ADAM9: variants seen among roughly 807,000 people sequenced by gnomAD.
ADAM9 encodes disintegrin and metalloproteinase domain-containing protein 9.
A neutral mutation model predicts 108.1 loss-of-function variants in ADAM9; 54 were observed. The ratio of observed to expected loss-of-function variants is 0.50; its 90% CI spans 0.40 to 0.63. The LOEUF is 0.63. Ranked by LOEUF, ADAM9 falls within the 20% of genes least tolerant of loss-of-function variation. The pLI, the probability that ADAM9 is intolerant of heterozygous loss-of-function variation, is 0.00. For synonymous variants in ADAM9, 316 were observed against 336.0 expected, an observed-to-expected ratio of 0.94 and a Z score of 0.65; for missense variants, 830 against 997.7, an observed-to-expected ratio of 0.83 and a Z score of 2.26.
At chr8:39,036,475 T>A (rs1837278637) in intron 11 of ADAM9, among the ~76,000 whole-genome samples, 1 of 150,362 alleles carries the variant, frequency 6.7e-6, no homozygotes, top group South Asian at 2.1e-4. Flanking sequence ...TAGTTGAAAT[T>A]TTTTTTTTTG....
intron 18 of ADAM9, among the ~76,000 whole-genome samples, chr8:39,086,974 A>C (rs1173029756): frequency 6.6e-6 from 1 of 152,154 alleles, no homozygotes; most frequent in Admixed American, 6.5e-5. Context: ...TATTTCCACC[A>C]ATCTTTTCAC....
At chr8:39,033,870 C>T (rs567955066) in intron 11 of ADAM9, among the ~76,000 whole-genome samples, 93 of 152,112 alleles carry the variant, frequency 6.1e-4, no homozygotes, top group Non-Finnish European at 5.9e-4. Flanking sequence ...AGTTTTCGGT[C>T]TTAAATATTT....
In ADAM9 at chr8:39,061,239, C is replaced by A. The variant is rs1344649043; in HGVS notation, c.1591+5467C>A. Among the ~76,000 whole-genome samples, 4 of 152,162 alleles carry A rather than the reference C, an allele frequency of 2.6e-5. No homozygotes were observed. In the East Asian group the frequency reaches 7.7e-4, roughly 29 times the overall value. On this transcript the variant is annotated intron_variant, in intron 14 of 21. Coordinates refer to ENST00000487273, the MANE Select transcript of ADAM9 (RefSeq NM_003816.3). ...GTGGGTTCCACCTGGCCTTTCTTAC[C>A]ATAATAACCATCACTCCACAGGTCA...
intron 14 of ADAM9, among the ~76,000 whole-genome samples, chr8:39,067,910 A>G (rs1224031036): frequency 1.3e-5 from 2 of 152,010 alleles, no homozygotes; most frequent in Non-Finnish European, 2.9e-5. Flanking sequence ...TTATTTTGAG[A>G]TATGTCCCAT....
At chr8:39,058,869 T>C (rs1838208468) in intron 14 of ADAM9, among the ~76,000 whole-genome samples, 1 of 152,198 alleles carries the variant, frequency 6.6e-6, no homozygotes, top group South Asian at 2.1e-4. Context: ...CCTTGATACC[T>C]GGACACGTGA....
At position 39,077,172 on chromosome 8, in the gene ADAM9, C is replaced by A. The variant is rs1360225303; in HGVS notation, c.1698-56C>A. 13 of 1,587,776 alleles carry A rather than the reference C, an allele frequency of 8.2e-6. No individual in the cohort carries two copies. The Admixed American group carries it at 1.0e-4, about 12-fold the overall frequency. On this transcript the variant is annotated intron_variant, in intron 15 of 21. Coordinates refer to ENST00000487273, the MANE Select transcript of ADAM9 (RefSeq NM_003816.3). ...CCATATGCAAATATATAAATTTTTT[C>A]TTTTGTTATGTATACTGGATGCATT...
intron 18 of ADAM9, among the ~76,000 whole-genome samples, chr8:39,086,385 G>A (rs1839182373): frequency 6.6e-6 from 1 of 151,924 alleles, no homozygotes; most frequent in African/African-American, 2.4e-5. Context: ...TACTCTTCAA[G>A]TTTACATTTC....
In ADAM9 at chr8:39,045,168, ATG is replaced by A. The variant is rs1262900782; in HGVS notation, c.1302+3055_1302+3056del. Among the ~76,000 whole-genome samples the A allele has an allele frequency of 7.3e-5, 7 of 96,298 alleles. 1 individual carries two copies. The highest frequency in any genetic ancestry group is 2.9e-4 in the East Asian group (1 of 3,454). The allele number at this position is 96,298 out of a possible 152,430, so 63.2% of individuals were successfully genotyped here. On this transcript the variant is annotated intron_variant, in intron 12 of 21. Transcript: ENST00000487273. ...TGTATATATGTGTATACATACATAT[ATG>A]TGTATATATGTGTATACATACATAT...
chr8:39,041,231 A>T (rs934191541), intron 11 of ADAM9, among the ~76,000 whole-genome samples: 1 of 150,030 alleles, frequency 6.7e-6, no homozygotes, highest in Non-Finnish European at 1.5e-5. Flanking sequence ...AGTAGTAGCT[A>T]AAAAAAAAAT....
chr8:39,090,945 T>C (rs923904931), intron 19 of ADAM9, among the ~76,000 whole-genome samples: 4 of 152,234 alleles, frequency 2.6e-5, no homozygotes, highest in South Asian at 2.1e-4. Context: ...CCTGAGAATA[T>C]GCTTTTACTC....
chr8:39,091,544 G>A (rs947206827), intron 20 of ADAM9, among the ~76,000 whole-genome samples, 198 bp downstream of exon 20: 1 of 152,130 alleles, frequency 6.6e-6, no homozygotes, highest in East Asian at 1.9e-4. Context: ...GTGGAGTACT[G>A]TGGCACAATT....
At chr8:39,025,593 G>T (rs956484542) in intron 9 of ADAM9, among the ~76,000 whole-genome samples, 1 of 151,704 alleles carries the variant, frequency 6.6e-6, no homozygotes, top group South Asian at 2.1e-4. Flanking sequence ...AACTTGTCTC[G>T]GTATCCAGAA....
chr8:39,091,413 A>T (rs1462695606), intron 20 of ADAM9, 67 bp downstream of exon 20: 1 of 1,352,874 alleles, frequency 7.4e-7, no homozygotes, highest in African/African-American at 1.4e-5. Flanking sequence ...AGGATTAAAA[A>T]CACAGTTATA....
At chr8:39,058,703 C>T (rs184767188) in intron 14 of ADAM9, among the ~76,000 whole-genome samples, 1 of 152,212 alleles carries the variant, frequency 6.6e-6, no homozygotes, top group East Asian at 1.9e-4. Flanking sequence ...ATTTCTAGTT[C>T]AGTAGAATCA....
chr8:39,035,362 A>G (rs1005749341), intron 11 of ADAM9, among the ~76,000 whole-genome samples: 5 of 152,160 alleles, frequency 3.3e-5, no homozygotes, highest in African/African-American at 1.2e-4. Flanking sequence ...GTCTCTGATC[A>G]TAGTAAGCAT....
Position 39,027,909 on chromosome 8 carries a change from A to AAAAT in ADAM9, c.1130+1115_1130+1118dup, listed in dbSNP as rs1318741329. Among the ~76,000 whole-genome samples the AAAAT allele has an allele frequency of 7.9e-5, 12 of 152,148 alleles. No homozygotes were observed. In the South Asian group the frequency reaches 8.3e-4, roughly 11 times the overall value. On this transcript the variant is annotated intron_variant, in intron 11 of 21. Coordinates refer to ENST00000487273, the MANE Select transcript of ADAM9 (RefSeq NM_003816.3). ...CACGGTGAGACCCTGTCTCTAAAAA[A>AAAAT]AAATAAATAAATAAATAAAAAATAA...
At chr8:39,024,071 C>T (rs947151150) in intron 9 of ADAM9, among the ~76,000 whole-genome samples, 10 of 152,184 alleles carry the variant, frequency 6.6e-5, no homozygotes, top group South Asian at 2.1e-4. Context: ...TTTTTCTTCA[C>T]GACTTTGAAG....
chr8:39,061,775 G>A (rs550703030), intron 14 of ADAM9, among the ~76,000 whole-genome samples: 1 of 152,046 alleles, frequency 6.6e-6, no homozygotes, highest in Admixed American at 6.6e-5. Context: ...TATCCCAGAG[G>A]GCAGAGCCAT....
chr8:39,025,895 C>T lies in ADAM9; in HGVS notation c.996+11C>T. On this transcript the variant is annotated intron_variant, in intron 10 of 21. Transcript: ENST00000487273. ...GGCGGGATTAATGTGGTACGTTGTT[C>T]TTGATGTTTAACTTTGGATGTTTGC... The T allele has an allele frequency of 6.2e-7, 1 of 1,613,020 alleles. No individual in the cohort carries two copies. The highest frequency in any genetic ancestry group is 8.5e-7 in the Non-Finnish European group (1 of 1,179,174).
Sources: allele counts gnomAD v4.1 joint callset (sites outside exome capture counted in the v4.1 genomes callset), GRCh38; gene constraint gnomAD v4.1.1; transcripts MANE v1.5; gene names NCBI Gene and HGNC (gene_info 2026-07-23, HGNC 2026-07-21).